Variants in FARSB observed in about 807,000 individuals in gnomAD.
The protein encoded by FARSB is phenylalanine--tRNA ligase beta subunit.
In FARSB, 40 loss-of-function variants were observed where a neutral mutation model predicts 69.6. The observed-to-expected ratio is 0.57, with a 90% confidence interval of 0.45 to 0.75. FARSB has a LOEUF of 0.75. Ranked by LOEUF, FARSB falls within the 30% of genes least tolerant of loss-of-function variation. The probability of loss-of-function intolerance (pLI) is 0.00; values close to 1 mark genes in which losing one functional copy is unlikely to be tolerated. For missense variants in FARSB, 632 were observed against 722.9 expected, an observed-to-expected ratio of 0.87 and a Z score of 1.44; for synonymous variants, 235 against 247.2, an observed-to-expected ratio of 0.95 and a Z score of 0.46.
chr2:222,587,650 C>T (rs969853329), intron 16 of FARSB, among the ~76,000 whole-genome samples: 10 of 151,904 alleles, frequency 6.6e-5, no homozygotes, highest in South Asian at 6.2e-4. Context: ...ATCAAATAGA[C>T]GCACTAAAAA....
intron 15 of FARSB, among the ~76,000 whole-genome samples, chr2:222,604,034 G>A (rs1690637640): frequency 6.6e-6 from 1 of 151,894 alleles, no homozygotes; most frequent in Admixed American, 6.6e-5. Context: ...GGCTAACATG[G>A]TGAAACTCCG....
intron 15 of FARSB, among the ~76,000 whole-genome samples, chr2:222,604,035 T>C (rs1690637703): frequency 6.6e-6 from 1 of 151,902 alleles, no homozygotes; most frequent in African/African-American, 2.4e-5. Flanking sequence ...GCTAACATGG[T>C]GAAACTCCGT....
At chr2:222,643,929 G>A (rs550945916) in intron 2 of FARSB, among the ~76,000 whole-genome samples, 132 of 152,164 alleles carry the variant, frequency 8.7e-4, no homozygotes, top group Non-Finnish European at 1.5e-3. Flanking sequence ...TACTACAGCA[G>A]GGAACTGTAA....
At chr2:222,638,199 C>G (rs1691634937) in intron 5 of FARSB, among the ~76,000 whole-genome samples, 1 of 152,114 alleles carries the variant, frequency 6.6e-6, no homozygotes, top group Non-Finnish European at 1.5e-5. Context: ...ACGTAAACTT[C>G]CAAAGCTCAT....
At chr2:222,588,338 C>T (rs1317178503) in intron 16 of FARSB, among the ~76,000 whole-genome samples, 1 of 152,120 alleles carries the variant, frequency 6.6e-6, no homozygotes, top group African/African-American at 2.4e-5. Flanking sequence ...TCTCAATAAA[C>T]TAGGTATTGA....
intron 15 of FARSB, among the ~76,000 whole-genome samples, chr2:222,612,739 T>TA (rs1163942006): frequency 1.3e-5 from 2 of 152,200 alleles, no homozygotes; most frequent in African/African-American, 4.8e-5. Flanking sequence ...CCAATGCACA[T>TA]ACAGCTTCGA....
intron 10 of FARSB, among the ~76,000 whole-genome samples, chr2:222,627,888 G>A (rs1319300477): frequency 6.6e-6 from 1 of 152,114 alleles, no homozygotes; most frequent in African/African-American, 2.4e-5. Context: ...GATTCAAAGG[G>A]GAAGGAAAAG....
intron 16 of FARSB, among the ~76,000 whole-genome samples, chr2:222,591,849 C>A (rs1473587387): frequency 6.6e-6 from 1 of 152,008 alleles, no homozygotes; most frequent in Non-Finnish European, 1.5e-5. Flanking sequence ...ACCTTAAAGG[C>A]AATAATTTAA....
chr2:222,631,277 G>A lies in FARSB; in HGVS notation c.786+327C>T, dbSNP rs189304407. ...TAGATAAACAATTTATATGGATTTC[G>A]CTATAGTACTCATTCCATTTTGTGT... is the stretch of plus-strand genomic sequence containing the variant. On this transcript the variant is annotated intron_variant, in intron 8 of 16. Coordinates refer to ENST00000281828, the MANE Select transcript of FARSB (RefSeq NM_005687.5). Among the ~76,000 whole-genome samples, 496 of 151,106 alleles carry A rather than the reference G, an allele frequency of 3.3e-3. 1 individual carries two copies. Among genetic ancestry groups the A allele is most frequent in the African/African-American group, 0.01 (428 of 41,126 alleles).
chr2:222,648,378 G>A (rs1691926653), intron 2 of FARSB, among the ~76,000 whole-genome samples: 1 of 152,172 alleles, frequency 6.6e-6, no homozygotes. Flanking sequence ...GGAAGTGAAG[G>A]AGGCAGGGTA....
Position 222,624,780 on chromosome 2 carries a change from A to C in FARSB, c.901-5T>G. On this transcript the variant is annotated splice_polypyrimidine_tract_variant and splice_region_variant and intron_variant, in intron 10 of 16. Transcript: ENST00000281828. ...CTCCTTTCGGTAAGCTAATTCCTTA[A>C]ATAGAAAGAGTTTAAAAAGTAAATC... 6.4e-7 allele frequency: 1 copy of C among 1,570,402 alleles called. No homozygotes were observed. The highest frequency in any genetic ancestry group is 8.7e-7 in the Non-Finnish European group (1 of 1,148,056).
intron 16 of FARSB, among the ~76,000 whole-genome samples, chr2:222,596,762 AT>A (rs1177028342): frequency 2.6e-5 from 4 of 152,094 alleles, no homozygotes; most frequent in Non-Finnish European, 5.9e-5. Flanking sequence ...CTGAAAAACA[AT>A]TTTGTTCCTT....
chr2:222,604,075 A>G (rs1690638659), intron 15 of FARSB, among the ~76,000 whole-genome samples: 1 of 152,036 alleles, frequency 6.6e-6, no homozygotes, highest in Non-Finnish European at 1.5e-5. Flanking sequence ...AAAATTGGCC[A>G]GGCATGGTGG....
chr2:222,628,342 G>GA (rs1168648720), intron 10 of FARSB, among the ~76,000 whole-genome samples: 1 of 152,126 alleles, frequency 6.6e-6, no homozygotes, highest in South Asian at 2.1e-4. Flanking sequence ...TGTCTGATAT[G>GA]ATGGATATGC....
chr2:222,573,959 T>A (rs1356608648), intron 16 of FARSB, among the ~76,000 whole-genome samples: 1 of 152,240 alleles, frequency 6.6e-6, no homozygotes, highest in African/African-American at 2.4e-5. Flanking sequence ...CTTTACTGTG[T>A]TTAAGAATCC....
intron 8 of FARSB, 106 bp downstream of exon 8, chr2:222,631,498 C>G: frequency 1.4e-6 from 1 of 717,872 alleles, no homozygotes; most frequent in Non-Finnish European, 2.5e-6. Flanking sequence ...AAATATGTTC[C>G]CACCTACAAA....
intron 5 of FARSB, among the ~76,000 whole-genome samples, chr2:222,636,279 C>T (rs555580298): frequency 2.7e-4 from 41 of 150,066 alleles, no homozygotes; most frequent in African/African-American, 8.8e-4. Flanking sequence ...GGTTGGCGGG[C>T]GCCTGTAGTC....
chr2:222,632,819 C>G (rs1321901455), intron 7 of FARSB, among the ~76,000 whole-genome samples: 1 of 116,586 alleles, frequency 8.6e-6, no homozygotes, highest in Non-Finnish European at 1.8e-5. Flanking sequence ...GTCTCAAAAA[C>G]AAAACAAAAA....
At chr2:222,655,876 C>A in intron 1 of FARSB, 140 bp downstream of exon 1, 1 of 678,498 alleles carries the variant, frequency 1.5e-6, no homozygotes, top group East Asian at 2.9e-5. Flanking sequence ...CCGCCACCAT[C>A]ATCGGCCTTC....
Sources: gnomAD v4.1 joint callset for allele counts (sites outside exome capture counted in the v4.1 genomes callset) on GRCh38, gnomAD v4.1.1 for gene constraint, MANE v1.5 for transcripts, NCBI Gene and HGNC (gene_info 2026-07-23, HGNC 2026-07-21) for gene names.